The following PDE10A variants were observed in gnomAD, a reference collection of about 807,000 sequenced individuals.
PDE10A encodes the protein cAMP and cAMP-inhibited cGMP 3',5'-cyclic phosphodiesterase 10A.
Under a neutral mutation model 97.7 loss-of-function variants are expected in PDE10A, and 39 were observed. The ratio of observed to expected loss-of-function variants is 0.40; its 90% CI spans 0.31 to 0.52. The LOEUF (loss-of-function observed/expected upper bound fraction) is 0.52, where lower values mean the gene tolerates loss of function less well. Ranked by LOEUF, PDE10A falls within the 20% of genes least tolerant of loss-of-function variation. The pLI, the probability that PDE10A is intolerant of heterozygous loss-of-function variation, is 0.56. For missense variants in PDE10A, 731 were observed against 1,047.8 expected, an observed-to-expected ratio of 0.70 and a Z score of 4.17; for synonymous variants, 371 against 376.8, an observed-to-expected ratio of 0.98 and a Z score of 0.18.
intron 2 of PDE10A, among the ~76,000 whole-genome samples, chr6:165,501,943 G>C: frequency 6.6e-6 from 1 of 152,180 alleles, no homozygotes; most frequent in Non-Finnish European, 1.5e-5. Context: ...GACATAATGA[G>C]AGACATGTAA....
intron 1 of PDE10A, among the ~76,000 whole-genome samples, chr6:165,640,269 T>C (rs2128419491): frequency 6.6e-6 from 1 of 152,300 alleles, no homozygotes; most frequent in South Asian, 2.1e-4. Flanking sequence ...AAAAATTGCC[T>C]GCCTTTCTGT....
In PDE10A at chr6:165,486,532, C is replaced by T. The variant is rs1334737304; in HGVS notation, c.995-4189G>A. 2.6e-5 allele frequency among the ~76,000 whole-genome samples: 4 copies of T among 152,184 alleles called. No individual in the cohort carries two copies. The East Asian group carries it at 7.7e-4, about 29-fold the overall frequency. ...GAGCTGAAAAATGTCACGTGAACAACGTTCAGCAGAATGTGATTAAAAGTA... is the reference window on the plus strand; with the variant it reads ...GAGCTGAAAAATGTCACGTGAACAATGTTCAGCAGAATGTGATTAAAAGTA... On this transcript the variant is annotated intron_variant, in intron 2 of 21. Transcript: ENST00000539869.
chr6:165,952,068 C>G (rs1783980560), intron 1 of PDE10A, among the ~76,000 whole-genome samples: 1 of 152,244 alleles, frequency 6.6e-6, no homozygotes, highest in African/African-American at 2.4e-5. Context: ...ATCCTCAAGT[C>G]CTCATGCGAA....
rs868803126 is a variant in PDE10A, at chr6:165,662,603, G to C, written c.209C>G (p.Ser70Cys). 6.2e-5 allele frequency: 9 copies of C among 144,750 alleles called. No individual in the cohort carries two copies. Among genetic ancestry groups the C allele is most frequent in the Admixed American group, 2.0e-4 (3 of 14,658 alleles). The allele number at this position is 144,750 out of a possible 1,614,324, so 9.0% of individuals were successfully genotyped here. A position where few individuals can be genotyped will look rare whatever the true frequency, so the allele number is the denominator to read the frequency against. Reference protein sequence around the residue: ...ERAAPPRPPLSSAGRPSPAGG... With the variant: ...ERAAPPRPPLCSAGRPSPAGG... Reference sequence around the variant, plus strand: ...AGCGGGGCTGGGGCGGCCTGCGGAGGAGAGGGGCGGGCGCGGGGGCGCGGC... The same window carrying C: ...AGCGGGGCTGGGGCGGCCTGCGGAGCAGAGGGGCGGGCGCGGGGGCGCGGC... Residue 70 changes from serine to cysteine, a missense_variant, in exon 1 of 22, where the codon TCC becomes TGC. By Grantham distance (112) the Ser-to-Cys change is moderately radical. This residue lies in a region of PDE10A where 181 missense variants were observed against 159.1 expected (regional missense o/e 1.14). Coordinates refer to ENST00000539869, the MANE Select transcript of PDE10A (RefSeq NM_001385079.1).
chr6:165,913,703 C>T (rs1782529755), intron 1 of PDE10A, among the ~76,000 whole-genome samples: 1 of 152,118 alleles, frequency 6.6e-6, no homozygotes, highest in Admixed American at 6.5e-5. Flanking sequence ...GTCACGGTTT[C>T]ATAAAAGGAG....
chr6:165,780,749 CT>C (rs1238541557), intron 1 of PDE10A: 3 of 152,272 alleles, frequency 2.0e-5, no homozygotes, highest in African/African-American at 7.2e-5. Context: ...AGCTGTTGGC[CT>C]TGAACTTGCC....
intron 1 of PDE10A, among the ~76,000 whole-genome samples, chr6:165,896,757 C>T (rs186024905): frequency 2.0e-4 from 30 of 152,168 alleles, no homozygotes; most frequent in Admixed American, 1.8e-3. Flanking sequence ...ACCTCCTGAC[C>T]TCGTGATCCA....
intron 1 of PDE10A, among the ~76,000 whole-genome samples, chr6:165,960,324 C>T (rs914285007): frequency 6.6e-6 from 1 of 152,166 alleles, no homozygotes; most frequent in African/African-American, 2.4e-5. Context: ...TGTCAAAGAA[C>T]ACCCGGTAAA....
intron 1 of PDE10A, among the ~76,000 whole-genome samples, chr6:165,554,470 C>T (rs1260943386): frequency 1.3e-5 from 2 of 152,246 alleles, no homozygotes; most frequent in East Asian, 3.9e-4. Flanking sequence ...GAGATATCAT[C>T]TCACCCCAGT....
intron 1 of PDE10A, among the ~76,000 whole-genome samples, chr6:165,903,795 G>A (rs1201062608): frequency 2.0e-5 from 3 of 152,166 alleles, no homozygotes; most frequent in African/African-American, 7.2e-5. Context: ...ATAGAGAACA[G>A]CCAGGAGGAA....
chr6:165,460,586 T>C (rs1044534672), intron 3 of PDE10A, among the ~76,000 whole-genome samples: 2 of 152,212 alleles, frequency 1.3e-5, no homozygotes, highest in Admixed American at 6.5e-5. Flanking sequence ...TCTACAGCAC[T>C]GGCCGTCCGA....
chr6:165,954,789 C>G (rs1269222232), intron 1 of PDE10A, among the ~76,000 whole-genome samples: 1 of 152,064 alleles, frequency 6.6e-6, no homozygotes, highest in African/African-American at 2.4e-5. Flanking sequence ...ATCTCACTAG[C>G]TGGGCCCTGT....
chr6:165,804,755 G>A (rs970824705), intron 1 of PDE10A, among the ~76,000 whole-genome samples: 8 of 152,016 alleles, frequency 5.3e-5, no homozygotes, highest in African/African-American at 1.7e-4. Context: ...TGAGCGCGGG[G>A]TCGGGGAGCG....
chr6:165,807,537 G>T (rs1779172576), intron 1 of PDE10A, among the ~76,000 whole-genome samples: 1 of 152,154 alleles, frequency 6.6e-6, no homozygotes, highest in South Asian at 2.1e-4. Flanking sequence ...AGAGCCTGGG[G>T]GCCAGGATGG....
intron 1 of PDE10A, among the ~76,000 whole-genome samples, chr6:165,619,374 G>GTAGTC (rs1562634575): frequency 2.6e-5 from 1 of 38,418 alleles, no homozygotes; most frequent in Non-Finnish European, 6.1e-5. Context: ...GTAGTGTGGT[G>GTAGTC]TAGTGTAGTC....
chr6:165,798,182 A>T (rs1405448798), intron 1 of PDE10A, among the ~76,000 whole-genome samples: 1 of 152,248 alleles, frequency 6.6e-6, no homozygotes, highest in Non-Finnish European at 1.5e-5. Flanking sequence ...CTCAAAAATA[A>T]TATCACCATC....
intron 1 of PDE10A, among the ~76,000 whole-genome samples, chr6:165,932,340 AT>A (rs34799641): frequency 0.1 from 15,002 of 149,276 alleles, 993 homozygotes; most frequent in African/African-American, 0.18. Flanking sequence ...TGAGAGCTAG[AT>A]TTTTTTTTTT....
rs550191850 is a variant in PDE10A at position 165,955,811 on chromosome 6, G to T, written c.-615+31718C>A. ...TATGACAAATGAAAAGTTAAAAGCT[G>T]CCAATACCTGCACCTATATTTTGGA... On this transcript the variant is annotated intron_variant, in intron 1 of 19. Transcript: ENST00000366882. Among the ~76,000 whole-genome samples the T allele has an allele frequency of 3.3e-5, 5 of 152,266 alleles. No homozygotes were observed. The East Asian group carries it at 7.7e-4, about 23-fold the overall frequency.
At chr6:165,843,221 A>T (rs1379285959) in intron 1 of PDE10A, among the ~76,000 whole-genome samples, 1 of 152,212 alleles carries the variant, frequency 6.6e-6, no homozygotes, top group Admixed American at 6.5e-5. Flanking sequence ...ACAGCAACAG[A>T]ATCTGGGGTG....
Sources: allele counts gnomAD v4.1 joint callset (sites outside exome capture counted in the v4.1 genomes callset), GRCh38; gene constraint gnomAD v4.1.1; regional missense constraint gnomAD v4.1.1; transcripts MANE v1.5; gene names NCBI Gene and HGNC (gene_info 2026-07-23, HGNC 2026-07-21).